Variants in NRXN1 observed in about 807,000 individuals in gnomAD.
NRXN1 encodes neurexin 1.
Under a neutral mutation model 150.9 loss-of-function variants are expected in NRXN1, and 39 were observed. The observed-to-expected ratio is 0.26, with a 90% CI of 0.20 to 0.34. The LOEUF (loss-of-function observed/expected upper bound fraction) is 0.34, where lower values mean the gene tolerates loss of function less well. Ranked by LOEUF, NRXN1 falls within the 10% of genes least tolerant of loss-of-function variation. The pLI is 1.00. For missense variants in NRXN1, 1,815 were observed against 1,949.9 expected (o/e 0.93, Z 1.30); for synonymous variants, 924 against 757.0 (o/e 1.22, Z -3.62).
chr2:50,039,947 G>A (rs1210565575), intron 21 of NRXN1, among the ~76,000 whole-genome samples: 4 of 152,036 alleles, frequency 2.6e-5, no homozygotes, highest in African/African-American at 9.7e-5. Flanking sequence ...AGTAGTCCAG[G>A]TAATATGATA....
chr2:50,683,925 A>G (rs1690846778), intron 5 of NRXN1, among the ~76,000 whole-genome samples: 1 of 151,776 alleles, frequency 6.6e-6, no homozygotes, highest in African/African-American at 2.4e-5. Context: ...AACAGAAGGC[A>G]TTAGTTATAT....
At chr2:50,637,091 C>T (rs901320304) in intron 5 of NRXN1, among the ~76,000 whole-genome samples, 14 of 152,104 alleles carry the variant, frequency 9.2e-5, no homozygotes, top group Non-Finnish European at 1.9e-4. Context: ...GCTATATGTC[C>T]AAGAGCAGTA....
intron 17 of NRXN1, among the ~76,000 whole-genome samples, chr2:50,412,958 A>G (rs996564373): frequency 6.6e-6 from 1 of 152,220 alleles, no homozygotes; most frequent in African/African-American, 2.4e-5. Context: ...TCTTAAATCT[A>G]AGACCTCAAA....
chr2:50,337,059 G>T (rs2077232729), intron 17 of NRXN1, among the ~76,000 whole-genome samples: 1 of 151,426 alleles, frequency 6.6e-6, no homozygotes, highest in Non-Finnish European at 1.5e-5. Flanking sequence ...GAGGTTAAAA[G>T]CATGGACTTT....
chr2:50,877,079 T>G (rs1331544676), intron 5 of NRXN1, among the ~76,000 whole-genome samples: 2 of 151,868 alleles, frequency 1.3e-5, no homozygotes, highest in Non-Finnish European at 2.9e-5. Context: ...TTCTTCCTGT[T>G]AAAACTTTAC....
Position 50,144,810 on chromosome 2 carries a change from G to A in NRXN1, c.3547-53316C>T, listed in dbSNP as rs994458464. ...TGGACGAGTTGATTACCTATTTTTGGTTCTATATGCTCTTGAAAAGTTTAT... is the reference window on the plus strand; with the variant it reads ...TGGACGAGTTGATTACCTATTTTTGATTCTATATGCTCTTGAAAAGTTTAT... On this transcript the variant is annotated intron_variant, in intron 18 of 22. Coordinates refer to ENST00000401669, the MANE Select transcript of NRXN1 (RefSeq NM_001330078.2). 2.6e-5 allele frequency among the ~76,000 whole-genome samples: 4 copies of A among 151,582 alleles called. No individual in the cohort carries two copies. The South Asian group carries it at 8.3e-4, about 31-fold the overall frequency.
intron 5 of NRXN1, among the ~76,000 whole-genome samples, chr2:50,901,908 A>C (rs1683012623): frequency 6.6e-6 from 1 of 152,220 alleles, no homozygotes; most frequent in Admixed American, 6.5e-5. Context: ...CGCATGGCGA[A>C]TGGAAGATGG....
chr2:50,700,019 A>G (rs1399575798), intron 5 of NRXN1, among the ~76,000 whole-genome samples: 2 of 152,208 alleles, frequency 1.3e-5, no homozygotes, highest in East Asian at 3.9e-4. Flanking sequence ...GTATGTTTGC[A>G]TAATTAAAAG....
chr2:50,649,278 AC>A (rs1685258354), intron 5 of NRXN1, among the ~76,000 whole-genome samples: 1 of 151,542 alleles, frequency 6.6e-6, no homozygotes, highest in Non-Finnish European at 1.5e-5. Flanking sequence ...ACACACACAC[AC>A]ACACACACAC....
intron 5 of NRXN1, among the ~76,000 whole-genome samples, chr2:50,644,885 T>C (rs1471763687): frequency 6.6e-6 from 1 of 150,748 alleles, no homozygotes; most frequent in Non-Finnish European, 1.5e-5. Context: ...TGTATTTATA[T>C]TTCTTTTTCA....
At position 50,053,512 on chromosome 2, in the gene NRXN1, T is replaced by C. The variant is rs1170554306; in HGVS notation, c.3887A>G (p.Gln1296Arg). ...GCCATTGTAGTACAGCCCAGAGAGCTGGCCCTGGAAGGGCTGGCCCTGCTC... is the reference window on the plus strand; with the variant it reads ...GCCATTGTAGTACAGCCCAGAGAGCCGGCCCTGGAAGGGCTGGCCCTGCTC... Reference protein sequence around the residue: ...GKEQGQPFQGQLSGLYYNGLK... With the variant: ...GKEQGQPFQGRLSGLYYNGLK... The change falls in exon 21 of 23, where the codon CAG (glutamine) becomes CGG (arginine). Residue 1296 changes from glutamine (Q) to arginine (R), a missense_variant. Gln to Arg is a conservative substitution (Grantham distance 43). This residue lies in a region of NRXN1 where 265 missense variants were observed against 307.1 expected (regional missense o/e 0.86). Transcript: ENST00000401669. 4 of 1,614,092 alleles carry C rather than the reference T, an allele frequency of 2.5e-6. No individual in the cohort carries two copies. In the South Asian group the frequency reaches 3.3e-5, roughly 13 times the overall value.
At chr2:50,441,048 A>G (rs1401906386) in intron 17 of NRXN1, among the ~76,000 whole-genome samples, 2 of 152,216 alleles carry the variant, frequency 1.3e-5, no homozygotes, top group East Asian at 1.9e-4. Context: ...AATACAGAGA[A>G]GATTATCAAA....
chr2:50,000,560 G>T (rs1484137845), intron 21 of NRXN1, among the ~76,000 whole-genome samples: 1 of 152,002 alleles, frequency 6.6e-6, no homozygotes, highest in African/African-American at 2.4e-5. Flanking sequence ...GAAAAAGTGA[G>T]GCATAAAATA....
chr2:50,296,251 A>ACT (rs756171123), intron 17 of NRXN1, among the ~76,000 whole-genome samples: 11 of 152,112 alleles, frequency 7.2e-5, no homozygotes, highest in Non-Finnish European at 1.5e-4. Flanking sequence ...TATCCATCTG[A>ACT]CTCTCTACAC....
At chr2:50,153,815 G>C (rs978913435) in intron 18 of NRXN1, among the ~76,000 whole-genome samples, 1 of 151,732 alleles carries the variant, frequency 6.6e-6, no homozygotes, top group African/African-American at 2.4e-5. Context: ...AGGGTGAAAT[G>C]ATGAGTCCCC....
chr2:50,885,178 T>C (rs182713468), intron 5 of NRXN1, among the ~76,000 whole-genome samples: 9 of 151,666 alleles, frequency 5.9e-5, no homozygotes, highest in Admixed American at 5.3e-4. Flanking sequence ...TTTTAGAATA[T>C]CTATGATCCT....
chr2:50,155,313 A>T (rs1253019535), intron 18 of NRXN1, among the ~76,000 whole-genome samples: 1 of 151,538 alleles, frequency 6.6e-6, no homozygotes, highest in African/African-American at 2.4e-5. Context: ...GTGGGTAATG[A>T]CCAATAAGGA....
At chr2:50,891,346 A>C (rs1681035401) in intron 5 of NRXN1, among the ~76,000 whole-genome samples, 1 of 152,098 alleles carries the variant, frequency 6.6e-6, no homozygotes, top group Non-Finnish European at 1.5e-5. Context: ...CATAGTTACC[A>C]GACTGACCAT....
At chr2:50,562,337 AG>A (rs1405222581) in intron 8 of NRXN1, among the ~76,000 whole-genome samples, 15 of 150,518 alleles carry the variant, frequency 1.0e-4, no homozygotes, top group African/African-American at 3.5e-4. Flanking sequence ...TACGATAGAT[AG>A]ATAGATAGAT....
Sources: allele counts gnomAD v4.1 joint callset (sites outside exome capture counted in the v4.1 genomes callset), GRCh38; gene constraint gnomAD v4.1.1; regional missense constraint gnomAD v4.1.1; transcripts MANE v1.5; gene names NCBI Gene and HGNC (gene_info 2026-07-23, HGNC 2026-07-21).